NEGR1: variants seen among roughly 807,000 people sequenced by gnomAD.
NEGR1 encodes IgLON family member 4.
A neutral mutation model predicts 40.9 loss-of-function variants in NEGR1; 10 were observed. The ratio of observed to expected loss-of-function variants is 0.24; its 90% confidence interval spans 0.15 to 0.42. The LOEUF is 0.42. Among genes scored for constraint, NEGR1 ranks in the 10% least tolerant of loss-of-function variants. The pLI is 1.00. For synonymous variants in NEGR1, 185 were observed against 166.8 expected, an observed-to-expected ratio of 1.11 and a Z score of -0.84; for missense variants, 352 against 438.9, an observed-to-expected ratio of 0.80 and a Z score of 1.77.
chr1:71,709,558 C>T lies in NEGR1; in HGVS notation c.536-11419G>A, dbSNP rs535247824. Among the ~76,000 whole-genome samples the T allele has an allele frequency of 2.0e-5, 3 of 152,116 alleles. No homozygotes were observed. The East Asian group carries it at 5.8e-4, about 29-fold the overall frequency. On this transcript the variant is annotated intron_variant, in intron 3 of 6. Coordinates refer to ENST00000357731, the MANE Select transcript of NEGR1 (RefSeq NM_173808.3). ...TGGAACAGAATAGAGAACCCAGAAA[C>T]AAATAAACACACCTACAGTGAACTC...
intron 2 of NEGR1, among the ~76,000 whole-genome samples, chr1:71,895,716 T>C (rs1270266507): frequency 6.6e-6 from 1 of 152,220 alleles, no homozygotes; most frequent in East Asian, 1.9e-4. Flanking sequence ...ACTTGGATTG[T>C]TTTCACTTTC....
At chr1:72,264,064 T>G (rs1655557036) in intron 1 of NEGR1, among the ~76,000 whole-genome samples, 1 of 151,010 alleles carries the variant, frequency 6.6e-6, no homozygotes, top group African/African-American at 2.4e-5. Context: ...ATATGGAGGC[T>G]AAAATAAAAT....
chr1:71,801,251 T>C (rs1279531071), intron 2 of NEGR1, among the ~76,000 whole-genome samples: 1 of 152,174 alleles, frequency 6.6e-6, no homozygotes, highest in Non-Finnish European at 1.5e-5. Flanking sequence ...CTCACTAGTC[T>C]CCTGATGTTA....
chr1:71,435,511 G>A (rs904752179), intron 6 of NEGR1, among the ~76,000 whole-genome samples: 13 of 151,506 alleles, frequency 8.6e-5, no homozygotes, highest in Non-Finnish European at 4.4e-5. Flanking sequence ...TTTTTAATAA[G>A]CACAAAAGTG....
At chr1:71,948,085 A>C (rs1646037435) in intron 1 of NEGR1, among the ~76,000 whole-genome samples, 1 of 152,178 alleles carries the variant, frequency 6.6e-6, no homozygotes, top group Non-Finnish European at 1.5e-5. Context: ...GACTTTTAAA[A>C]TACAGTTGCT....
chr1:71,895,672 T>C (rs1374803380), intron 2 of NEGR1, among the ~76,000 whole-genome samples: 1 of 152,236 alleles, frequency 6.6e-6, no homozygotes, highest in Non-Finnish European at 1.5e-5. Flanking sequence ...TATGGCTCTA[T>C]CACATTTGTT....
chr1:71,863,921 G>C (rs1362519607), intron 2 of NEGR1, among the ~76,000 whole-genome samples: 4 of 152,022 alleles, frequency 2.6e-5, no homozygotes, highest in Non-Finnish European at 5.9e-5. Context: ...TTATCTTATT[G>C]AATCTTTCCA....
chr1:71,923,189 T>C (rs1039755981), intron 2 of NEGR1, among the ~76,000 whole-genome samples: 2 of 152,180 alleles, frequency 1.3e-5, no homozygotes, highest in African/African-American at 4.8e-5. Context: ...ATGGAGCTTT[T>C]CACAACCCGC....
chr1:71,482,883 C>T (rs990741883), intron 6 of NEGR1, among the ~76,000 whole-genome samples: 6 of 151,588 alleles, frequency 4.0e-5, no homozygotes, highest in East Asian at 3.9e-4. Flanking sequence ...GAAGCACTAA[C>T]GATGAAATTT....
At chr1:71,861,283 C>G (rs1237195789) in intron 2 of NEGR1, among the ~76,000 whole-genome samples, 2 of 151,910 alleles carry the variant, frequency 1.3e-5, no homozygotes, top group Non-Finnish European at 2.9e-5. Context: ...ATGTAAAACA[C>G]TTAGAAGAGT....
intron 1 of NEGR1, among the ~76,000 whole-genome samples, chr1:72,173,606 T>C (rs922453869): frequency 2.6e-5 from 4 of 151,970 alleles, no homozygotes; most frequent in South Asian, 2.1e-4. Context: ...TTACATCTTT[T>C]CATTGTTATT....
chr1:71,638,621 C>G (rs1651240715), intron 4 of NEGR1, among the ~76,000 whole-genome samples: 1 of 152,058 alleles, frequency 6.6e-6, no homozygotes, highest in African/African-American at 2.4e-5. Context: ...ACCTTCACAA[C>G]AGTTCTGTAA....
chr1:72,015,067 C>G (rs1646696775), intron 1 of NEGR1, among the ~76,000 whole-genome samples: 1 of 151,922 alleles, frequency 6.6e-6, no homozygotes, highest in South Asian at 2.1e-4. Context: ...CACCTTATTT[C>G]TTCCAATTAT....
intron 1 of NEGR1, among the ~76,000 whole-genome samples, chr1:72,091,741 A>ATACCC (rs1207613948): frequency 1.3e-5 from 2 of 152,108 alleles, no homozygotes; most frequent in African/African-American, 4.8e-5. Context: ...TTGCCACAAA[A>ATACCC]TACCCTAGAC....
At chr1:71,442,111 A>G (rs1168457798) in intron 6 of NEGR1, among the ~76,000 whole-genome samples, 1 of 151,860 alleles carries the variant, frequency 6.6e-6, no homozygotes, top group Non-Finnish European at 1.5e-5. Context: ...ACACCTTTCT[A>G]TTACTCACCT....
At chr1:71,494,482 G>A (rs949694394) in intron 6 of NEGR1, among the ~76,000 whole-genome samples, 1 of 152,146 alleles carries the variant, frequency 6.6e-6, no homozygotes, top group African/African-American at 2.4e-5. Flanking sequence ...CTCAGACTCT[G>A]CCCTATGTAT....
chr1:71,744,769 A>G (rs933003308), intron 3 of NEGR1, among the ~76,000 whole-genome samples: 1 of 152,188 alleles, frequency 6.6e-6, no homozygotes, highest in Non-Finnish European at 1.5e-5. Flanking sequence ...ATCAATGCCA[A>G]CTTTAAAATA....
At chr1:72,274,692 T>C (rs1655977665) in intron 1 of NEGR1, 2 of 983,290 alleles carry the variant, frequency 2.0e-6, no homozygotes, top group Non-Finnish European at 3.3e-6. Flanking sequence ...AAAAACCCAT[T>C]GAAGAAATCA....
intron 1 of NEGR1, among the ~76,000 whole-genome samples, chr1:72,087,325 A>T (rs1569941210): frequency 6.6e-6 from 1 of 151,966 alleles, no homozygotes; most frequent in Non-Finnish European, 1.5e-5. Flanking sequence ...CAGCTACTCC[A>T]GAGGCTGAGG....
Sources: allele counts gnomAD v4.1 joint callset (sites outside exome capture counted in the v4.1 genomes callset), GRCh38; gene constraint gnomAD v4.1.1; transcripts MANE v1.5; gene names NCBI Gene and HGNC (gene_info 2026-07-23, HGNC 2026-07-21).